Variants in DLGAP2 observed in about 807,000 individuals in gnomAD.
DLGAP2 encodes the protein disks large-associated protein 2.
In DLGAP2, 26 loss-of-function variants were observed where a neutral mutation model predicts 100.3. That is an observed-to-expected ratio of 0.26 (90% CI 0.19 to 0.36). The LOEUF (loss-of-function observed/expected upper bound fraction) is 0.36. Among genes scored for constraint, DLGAP2 ranks in the 10% least tolerant of loss-of-function variants. DLGAP2 has a pLI of 1.00. For synonymous variants in DLGAP2, 886 were observed against 630.1 expected, an observed-to-expected ratio of 1.41 and a Z score of -6.08; for missense variants, 1,858 against 1,453.2, an observed-to-expected ratio of 1.28 and a Z score of -4.53.
chr8:1,326,317 C>T (rs1199025276), intron 3 of DLGAP2, among the ~76,000 whole-genome samples: 1 of 152,186 alleles, frequency 6.6e-6, no homozygotes, highest in African/African-American at 2.4e-5. Flanking sequence ...TTTGTTCTTC[C>T]TGGAACAGTG....
chr8:1,524,846 A>G (rs943133346), intron 4 of DLGAP2, among the ~76,000 whole-genome samples: 4 of 152,032 alleles, frequency 2.6e-5, no homozygotes, highest in Non-Finnish European at 4.4e-5. Context: ...CCGTGGGTTC[A>G]TCATCTTCCC....
At chr8:800,770 G>A (rs1281543501) in intron 1 of DLGAP2, among the ~76,000 whole-genome samples, 2 of 152,168 alleles carry the variant, frequency 1.3e-5, no homozygotes, top group Non-Finnish European at 2.9e-5. Flanking sequence ...GTGTCTGTGT[G>A]CACATATGTT....
At chr8:1,680,760 A>T (rs949125644) in intron 12 of DLGAP2, 1 of 152,258 alleles carries the variant, frequency 6.6e-6, no homozygotes, top group African/African-American at 2.4e-5. Context: ...AGCATCTTCC[A>T]CCCTTGTTAG....
At chr8:1,362,243 C>G (rs112574596) in intron 3 of DLGAP2, among the ~76,000 whole-genome samples, 3,411 of 152,126 alleles carry the variant, frequency 0.022, 58 homozygotes, top group Non-Finnish European at 0.033. Flanking sequence ...CTGGTGTTCC[C>G]CACAGTGGCA....
intron 2 of DLGAP2, among the ~76,000 whole-genome samples, chr8:987,249 G>A (rs933388788): frequency 6.6e-6 from 1 of 152,184 alleles, no homozygotes; most frequent in Non-Finnish European, 1.5e-5. Context: ...AGCCTGGGCA[G>A]AGATGGTCAG....
intron 2 of DLGAP2, among the ~76,000 whole-genome samples, chr8:1,193,331 C>T (rs917205014): frequency 6.6e-6 from 1 of 152,202 alleles, no homozygotes; most frequent in Non-Finnish European, 1.5e-5. Flanking sequence ...CTCTCCAGCA[C>T]CTGTTGTTTC....
intron 6 of DLGAP2, among the ~76,000 whole-genome samples, chr8:1,591,184 T>A (rs906510029): frequency 1.3e-5 from 2 of 152,146 alleles, no homozygotes; most frequent in African/African-American, 4.8e-5. Context: ...TTCAGTCTGT[T>A]TTCCTATTCA....
intron 2 of DLGAP2, among the ~76,000 whole-genome samples, chr8:1,228,663 T>G (rs1798472868): frequency 6.6e-6 from 1 of 152,176 alleles, no homozygotes; most frequent in Non-Finnish European, 1.5e-5. Context: ...CAATGCAACA[T>G]ATTAATAGAA....
chr8:1,244,290 A>T (rs1053749654), intron 2 of DLGAP2, among the ~76,000 whole-genome samples: 10 of 152,174 alleles, frequency 6.6e-5, no homozygotes, highest in African/African-American at 2.4e-4. Flanking sequence ...GTGCTTAATA[A>T]ATAACTGTGG....
rs900221609 is a variant in DLGAP2, at chr8:1,357,698, G to A, written c.106+98815G>A. On this transcript the variant is annotated intron_variant, in intron 3 of 14. Coordinates refer to ENST00000637795, the MANE Select transcript of DLGAP2 (RefSeq NM_001346810.2). ...GATTTTAAGTCTCATAACATGAGAC[G>A]TCAGCCTTGCTGCGATACGCAGCAC... Among the ~76,000 whole-genome samples, 8 of 152,242 alleles carry A rather than the reference G, an allele frequency of 5.3e-5. No individual in the cohort carries two copies. The South Asian group carries it at 6.2e-4, about 12-fold the overall frequency.
chr8:1,331,716 C>A (rs1401474232), intron 3 of DLGAP2, among the ~76,000 whole-genome samples: 1 of 152,178 alleles, frequency 6.6e-6, no homozygotes, highest in Non-Finnish European at 1.5e-5. Flanking sequence ...ATAGAAGGGT[C>A]CTTCCGACGT....
intron 1 of DLGAP2, among the ~76,000 whole-genome samples, chr8:771,495 G>C (rs1217387519): frequency 1.3e-5 from 2 of 152,234 alleles, no homozygotes; most frequent in African/African-American, 2.4e-5. Flanking sequence ...AGGCCGGCTA[G>C]CTCTGTCACT....
intron 3 of DLGAP2, among the ~76,000 whole-genome samples, chr8:1,341,804 A>G (rs1011941780): frequency 4.6e-5 from 7 of 152,308 alleles, no homozygotes; most frequent in African/African-American, 1.4e-4. Flanking sequence ...GGGTCCCTCC[A>G]TCTGCAGGCC....
chr8:1,188,546 A>ACACGCCCGGGACCTCTGT (rs1797565709), intron 2 of DLGAP2, among the ~76,000 whole-genome samples: 3 of 148,044 alleles, frequency 2.0e-5, no homozygotes, highest in African/African-American at 7.5e-5. Context: ...ACGGAATCTC[A>ACACGCCCGGGACCTCTGT]GACGCCCGGG....
chr8:777,629 T>G (rs1407561410), intron 1 of DLGAP2, among the ~76,000 whole-genome samples: 6 of 152,210 alleles, frequency 3.9e-5, no homozygotes, highest in Admixed American at 3.9e-4. Flanking sequence ...TGGCTGGATA[T>G]GAAATTCTGG....
chr8:1,310,180 A>G (rs1460632880), intron 3 of DLGAP2, among the ~76,000 whole-genome samples: 2 of 152,218 alleles, frequency 1.3e-5, no homozygotes, highest in African/African-American at 2.4e-5. Context: ...AGTATTTTAA[A>G]ATATATACGC....
intron 4 of DLGAP2, among the ~76,000 whole-genome samples, chr8:1,542,818 G>T (rs1801407313): frequency 6.6e-6 from 1 of 152,116 alleles, no homozygotes; most frequent in Non-Finnish European, 1.5e-5. Flanking sequence ...CCTCCAGCCT[G>T]TTCTCCCTTC....
At chr8:1,597,827 G>A (rs1003108572) in intron 6 of DLGAP2, among the ~76,000 whole-genome samples, 2 of 152,168 alleles carry the variant, frequency 1.3e-5, no homozygotes, top group African/African-American at 2.4e-5. Context: ...GAGAGAATTT[G>A]ACTTTCTCTT....
intron 6 of DLGAP2, among the ~76,000 whole-genome samples, chr8:1,605,466 C>T (rs1241860871): frequency 1.3e-5 from 2 of 152,206 alleles, no homozygotes; most frequent in African/African-American, 4.8e-5. Flanking sequence ...ACAAGAGTCT[C>T]TGGTGAATGC....
Sources: gnomAD v4.1 joint callset for allele counts (sites outside exome capture counted in the v4.1 genomes callset) on GRCh38, gnomAD v4.1.1 for gene constraint, MANE v1.5 for transcripts, NCBI Gene and HGNC (gene_info 2026-07-23, HGNC 2026-07-21) for gene names.